The following CNTN5 variants were observed in gnomAD, a reference collection of about 807,000 sequenced individuals.
CNTN5 encodes the protein contactin-5.
Under a neutral mutation model 129.1 loss-of-function variants are expected in CNTN5, and 77 were observed. The ratio of observed to expected loss-of-function variants is 0.60; its 90% CI spans 0.50 to 0.72. The LOEUF (loss-of-function observed/expected upper bound fraction) is 0.72. Ranked by LOEUF, CNTN5 falls within the 30% of genes least tolerant of loss-of-function variation. CNTN5 has a pLI of 0.00. For synonymous variants in CNTN5, 509 were observed against 465.6 expected, an observed-to-expected ratio of 1.09 and a Z score of -1.20; for missense variants, 1,478 against 1,328.8, an observed-to-expected ratio of 1.11 and a Z score of -1.75.
chr11:99,235,560 G>T (rs1452759135), intron 1 of CNTN5, among the ~76,000 whole-genome samples: 2 of 152,056 alleles, frequency 1.3e-5, no homozygotes, highest in Non-Finnish European at 1.5e-5. Context: ...AAGTGTCTTA[G>T]ATAATATCCT....
intron 17 of CNTN5, among the ~76,000 whole-genome samples, chr11:100,261,887 G>A (rs965175369): frequency 6.6e-6 from 1 of 152,052 alleles, no homozygotes; most frequent in Non-Finnish European, 1.5e-5. Flanking sequence ...CATAGGCATG[G>A]GCAAAAACTT....
At chr11:100,085,213 A>G (rs1439225317) in intron 13 of CNTN5, among the ~76,000 whole-genome samples, 1 of 151,918 alleles carries the variant, frequency 6.6e-6, no homozygotes, top group Non-Finnish European at 1.5e-5. Context: ...CACAATGATG[A>G]GTTTCCTGGG....
At chr11:99,556,834 T>C (rs922586002) in intron 3 of CNTN5, among the ~76,000 whole-genome samples, 1 of 150,920 alleles carries the variant, frequency 6.6e-6, no homozygotes, top group African/African-American at 2.4e-5. Context: ...GTAATTAAAC[T>C]TATTTTTCTA....
At chr11:99,797,754 T>C (rs980664479) in intron 3 of CNTN5, among the ~76,000 whole-genome samples, 4 of 152,172 alleles carry the variant, frequency 2.6e-5, no homozygotes, top group Non-Finnish European at 4.4e-5. Flanking sequence ...TTTATTTTGC[T>C]GTGAAGAATC....
At chr11:99,598,329 CCTCTCTCT>C (rs1163753320) in intron 3 of CNTN5, among the ~76,000 whole-genome samples, 7 of 12,664 alleles carry the variant, frequency 5.5e-4, no homozygotes, top group African/African-American at 2.5e-3. Context: ...CTTTTCTGTC[CCTCTCTCT>C]CTCTCTCTCT....
At chr11:99,132,902 C>T (rs1014974917) in intron 1 of CNTN5, among the ~76,000 whole-genome samples, 1 of 151,890 alleles carries the variant, frequency 6.6e-6, no homozygotes, top group African/African-American at 2.4e-5. Flanking sequence ...TAGAAAAAAA[C>T]TATTTAAAAA....
rs376642954 is a variant in CNTN5 at position 100,350,697 on chromosome 11, C to G, written c.3031-5C>G. The G allele has an allele frequency of 2.5e-6, 4 of 1,597,712 alleles. No homozygotes were observed. The highest frequency in any genetic ancestry group is 1.1e-5 in the South Asian group (1 of 88,822). ...CAAATGTCTAAACCTTGTTATTACT[C>G]TCAGGTTTTTTATAGGCAAGAGGGT... On this transcript the variant is annotated splice_polypyrimidine_tract_variant and splice_region_variant and intron_variant, in intron 23 of 24. Coordinates refer to ENST00000524871, the MANE Select transcript of CNTN5 (RefSeq NM_014361.4).
intron 4 of CNTN5, among the ~76,000 whole-genome samples, chr11:99,828,061 T>C (rs1947023381): frequency 6.6e-6 from 1 of 152,234 alleles, no homozygotes; most frequent in Non-Finnish European, 1.5e-5. Context: ...ATTTGATAAG[T>C]ATGATTGTAT....
At chr11:100,304,210 A>C (rs933644792) in intron 20 of CNTN5, among the ~76,000 whole-genome samples, 1 of 151,684 alleles carries the variant, frequency 6.6e-6, no homozygotes, top group Non-Finnish European at 1.5e-5. Context: ...TCCCAAGATT[A>C]CAGTGAAGGA....
intron 2 of CNTN5, among the ~76,000 whole-genome samples, chr11:99,551,525 C>T (rs746943578): frequency 1.3e-5 from 2 of 152,148 alleles, no homozygotes; most frequent in African/African-American, 4.8e-5. Flanking sequence ...TGTAATTTAT[C>T]TAATAAATGG....
At chr11:99,823,487 A>T (rs1946861958) in intron 4 of CNTN5, among the ~76,000 whole-genome samples, 1 of 152,042 alleles carries the variant, frequency 6.6e-6, no homozygotes, top group African/African-American at 2.4e-5. Context: ...TGTTTGTTAT[A>T]TAAACAGATG....
chr11:99,558,565 G>A (rs1948745979), intron 3 of CNTN5, among the ~76,000 whole-genome samples: 1 of 151,874 alleles, frequency 6.6e-6, no homozygotes, highest in Non-Finnish European at 1.5e-5. Flanking sequence ...GTCCAATATT[G>A]TTTCCTCAAA....
At chr11:99,327,778 G>C (rs907976658) in intron 2 of CNTN5, among the ~76,000 whole-genome samples, 1 of 152,106 alleles carries the variant, frequency 6.6e-6, no homozygotes, top group African/African-American at 2.4e-5. Context: ...GTTTCATCTT[G>C]ACACAACCAA....
chr11:99,401,786 G>A (rs764140514), intron 2 of CNTN5, among the ~76,000 whole-genome samples: 1 of 151,260 alleles, frequency 6.6e-6, no homozygotes, highest in Non-Finnish European at 1.5e-5. Flanking sequence ...TCATTATGGA[G>A]GTTTTTTTCC....
chr11:99,122,179 A>C (rs867928987), intron 1 of CNTN5, among the ~76,000 whole-genome samples: 2 of 151,722 alleles, frequency 1.3e-5, no homozygotes, highest in African/African-American at 4.8e-5. Flanking sequence ...CTTGCTATAG[A>C]TCTAATTTAT....
Position 99,139,240 on chromosome 11 carries a change from TCA to T in CNTN5, c.-210+117972_-210+117973del, listed in dbSNP as rs1311759705. 2.0e-5 allele frequency among the ~76,000 whole-genome samples: 3 copies of T among 152,050 alleles called. 1 individual carries two copies. Among genetic ancestry groups the T allele is most frequent in the African/African-American group, 4.8e-5 (2 of 41,400 alleles). On this transcript the variant is annotated intron_variant, in intron 1 of 24. Transcript: ENST00000524871. Reference sequence around the variant, plus strand: ...TTAGAGTGTACCACTGCACTTCACTTCACCCTGCATGACAGAATGTGACCCCA... The same window carrying T: ...TTAGAGTGTACCACTGCACTTCACTTCCCTGCATGACAGAATGTGACCCCA...
chr11:99,726,185 C>T (rs1046663616), intron 3 of CNTN5, among the ~76,000 whole-genome samples: 2 of 152,270 alleles, frequency 1.3e-5, no homozygotes, highest in East Asian at 3.9e-4. Flanking sequence ...GAAGAGGAAA[C>T]CTACATCCTC....
intron 4 of CNTN5, among the ~76,000 whole-genome samples, chr11:99,821,266 A>G (rs1057143855): frequency 1.3e-5 from 2 of 152,188 alleles, no homozygotes; most frequent in Non-Finnish European, 2.9e-5. Context: ...ACAATGGTCA[A>G]TATAAGTATG....
At chr11:99,779,900 A>G (rs1306768310) in intron 3 of CNTN5, among the ~76,000 whole-genome samples, 1 of 151,976 alleles carries the variant, frequency 6.6e-6, no homozygotes, top group East Asian at 1.9e-4. Flanking sequence ...CAGGCAATTC[A>G]GATGCCACCC....
Sources: gnomAD v4.1 joint callset for allele counts (sites outside exome capture counted in the v4.1 genomes callset) on GRCh38, gnomAD v4.1.1 for gene constraint, MANE v1.5 for transcripts, NCBI Gene and HGNC (gene_info 2026-07-23, HGNC 2026-07-21) for gene names.